The following GCNT2 variants were observed in gnomAD, a reference collection of about 807,000 sequenced individuals.
GCNT2 encodes the protein glucosaminyl (N-acetyl) transferase 2 (I blood group).
GCNT2 carries 34 observed loss-of-function variants against 34.2 expected under a neutral mutation model. The ratio of observed to expected loss-of-function variants is 1.00; its 90% CI spans 0.76 to 1.32. The LOEUF is 1.32. GCNT2 is among the 40% of genes most tolerant of loss of function. GCNT2 has a pLI of 0.00. For missense variants in GCNT2, 584 were observed against 489.4 expected (o/e 1.19, Z -1.82); for synonymous variants, 212 against 188.0 (o/e 1.13, Z -1.04).
At chr6:10,523,567 G>A (rs1561772469) in intron 1 of GCNT2, among the ~76,000 whole-genome samples, 2 of 151,906 alleles carry the variant, frequency 1.3e-5, no homozygotes, top group East Asian at 1.9e-4. Flanking sequence ...TTCCATCCAG[G>A]TCTGGAATTA....
At chr6:10,547,148 A>G (rs1409627880) in intron 3 of GCNT2, among the ~76,000 whole-genome samples, 1 of 152,170 alleles carries the variant, frequency 6.6e-6, no homozygotes, top group Non-Finnish European at 1.5e-5. Flanking sequence ...ACACTTGCCT[A>G]ATCATATCTG....
intron 3 of GCNT2, among the ~76,000 whole-genome samples, chr6:10,575,692 C>G (rs965044743): frequency 2.6e-5 from 4 of 152,120 alleles, no homozygotes; most frequent in African/African-American, 7.2e-5. Flanking sequence ...TGACATTCCA[C>G]CACAAAAGAA....
chr6:10,592,615 A>G (rs1764697711), intron 3 of GCNT2, among the ~76,000 whole-genome samples: 1 of 152,156 alleles, frequency 6.6e-6, no homozygotes, highest in African/African-American at 2.4e-5. Context: ...CCATTGTACT[A>G]TTTGGGAAGG....
intron 3 of GCNT2, among the ~76,000 whole-genome samples, chr6:10,533,705 C>T (rs1267518880): frequency 6.9e-6 from 1 of 143,916 alleles, no homozygotes; most frequent in African/African-American, 2.6e-5. Context: ...AGGAGAATCG[C>T]TTCAGCGATT....
intron 1 of GCNT2, among the ~76,000 whole-genome samples, chr6:10,525,102 A>G (rs900225151): frequency 7.2e-5 from 11 of 152,208 alleles, no homozygotes; most frequent in Non-Finnish European, 1.6e-4. Context: ...TCTTGTCTGT[A>G]GAAAGGAACC....
At chr6:10,564,776 AGATG>A (rs959801554) in intron 3 of GCNT2, among the ~76,000 whole-genome samples, 1 of 152,252 alleles carries the variant, frequency 6.6e-6, no homozygotes, top group African/African-American at 2.4e-5. Flanking sequence ...TTCATCTATA[AGATG>A]GATATTCATT....
intron 3 of GCNT2, among the ~76,000 whole-genome samples, chr6:10,603,359 G>A (rs952786112): frequency 1.3e-5 from 2 of 152,022 alleles, no homozygotes; most frequent in Admixed American, 1.3e-4. Flanking sequence ...TTTATGAAAT[G>A]GTATTTTCTT....
rs189549745 is a variant in GCNT2 at position 10,575,558 on chromosome 6, T to A, written c.925+45722T>A. 6.0e-3 allele frequency among the ~76,000 whole-genome samples: 906 copies of A among 152,126 alleles called. 11 individuals are homozygous for A. The highest frequency in any genetic ancestry group is 0.02 in the African/African-American group (813 of 41,498). The stretch of plus-strand genomic sequence containing the variant: ...TTTGTATTTTTAGTGGAGATGGGTG[T>A]CAGGCCTCTGAGCCCAAGCCAAGCC... On this transcript the variant is annotated intron_variant, in intron 3 of 4. Transcript: ENST00000495262.
chr6:10,586,917 A>G, intron 3 of GCNT2: 1 of 1,603,230 alleles, frequency 6.2e-7, no homozygotes, highest in East Asian at 2.2e-5. Context: ...GGTTTCAGGT[A>G]GGTACTAATT....
At chr6:10,596,623 G>A (rs1023680256) in intron 3 of GCNT2, among the ~76,000 whole-genome samples, 12 of 151,896 alleles carry the variant, frequency 7.9e-5, no homozygotes, top group African/African-American at 2.9e-4. Flanking sequence ...GGGGTACACT[G>A]GTATCCCACT....
At chr6:10,532,656 A>G (rs1255819590) in intron 3 of GCNT2, among the ~76,000 whole-genome samples, 1 of 152,028 alleles carries the variant, frequency 6.6e-6, no homozygotes, top group African/African-American at 2.4e-5. Flanking sequence ...TTTTGTAGAG[A>G]CGAGGTCCTG....
chr6:10,538,205 C>T (rs976605040), intron 3 of GCNT2, among the ~76,000 whole-genome samples: 4 of 151,338 alleles, frequency 2.6e-5, no homozygotes, highest in Admixed American at 2.0e-4. Context: ...GTCAGCAGTT[C>T]GAGACCAGCC....
chr6:10,604,697 C>T (rs1765233599), intron 3 of GCNT2, among the ~76,000 whole-genome samples: 1 of 151,776 alleles, frequency 6.6e-6, no homozygotes, highest in Non-Finnish European at 1.5e-5. Flanking sequence ...CCCATTTCTA[C>T]GAAAAATACA....
intron 3 of GCNT2, among the ~76,000 whole-genome samples, chr6:10,537,698 CAAAAAAA>C (rs201257236): frequency 4.8e-5 from 4 of 83,226 alleles, no homozygotes; most frequent in Non-Finnish European, 6.7e-5. Flanking sequence ...GATTCTGCCG[CAAAAAAA>C]AAAAAAAAAA....
At chr6:10,556,605 A>AAAAC in intron 3 of GCNT2, 1 of 1,614,200 alleles carries the variant, frequency 6.2e-7, no homozygotes, top group Non-Finnish European at 8.5e-7. Context: ...TTCCTGTGGA[A>AAAAC]AAACAAACTA....
intron 4 of GCNT2, among the ~76,000 whole-genome samples, chr6:10,623,519 T>C (rs535853344): frequency 1.3e-5 from 2 of 152,278 alleles, no homozygotes; most frequent in South Asian, 4.1e-4. Flanking sequence ...CTCAAACTCC[T>C]GACCTTATGA....
chr6:10,602,521 C>T lies in GCNT2; in HGVS notation c.926-18830C>T, dbSNP rs551442590. On this transcript the variant is annotated intron_variant, in intron 3 of 4. Coordinates refer to ENST00000495262, the MANE Select transcript of GCNT2 (RefSeq NM_145649.5). ...CTGCTGTTCTTTATAAAACATTAGG[C>T]TTGCAATAGATAGGGACTTAGTTCC... is the stretch of plus-strand genomic sequence containing the variant. Among the ~76,000 whole-genome samples the T allele has an allele frequency of 3.9e-5, 6 of 152,300 alleles. No individual in the cohort carries two copies. In the East Asian group the frequency reaches 1.2e-3, roughly 29 times the overall value.
intron 4 of GCNT2, among the ~76,000 whole-genome samples, chr6:10,624,928 A>T (rs1766193460): frequency 6.6e-6 from 1 of 152,098 alleles, no homozygotes; most frequent in African/African-American, 2.4e-5. Context: ...GAAGACATCG[A>T]GTTGTCTATG....
chr6:10,607,360 G>A (rs1217748595), intron 3 of GCNT2, among the ~76,000 whole-genome samples: 1 of 152,136 alleles, frequency 6.6e-6, no homozygotes, highest in Non-Finnish European at 1.5e-5. Flanking sequence ...GCTGGAGCAG[G>A]AGGAAGAGCA....
Sources: gnomAD v4.1 joint callset for allele counts (sites outside exome capture counted in the v4.1 genomes callset) on GRCh38, gnomAD v4.1.1 for gene constraint, MANE v1.5 for transcripts, NCBI Gene and HGNC (gene_info 2026-07-23, HGNC 2026-07-21) for gene names.